CEMIP: variants seen among roughly 807,000 people sequenced by gnomAD.
CEMIP encodes the protein cell migration-inducing and hyaluronan-binding protein.
In CEMIP, 105 loss-of-function variants were observed where a neutral mutation model predicts 156.9. The observed-to-expected ratio is 0.67, with a 90% CI of 0.57 to 0.79. CEMIP has a LOEUF of 0.79. CEMIP is among the 30% of genes least tolerant of loss of function. The pLI, the probability that CEMIP is intolerant of heterozygous loss-of-function variation, is 0.00. For missense variants in CEMIP, 1,457 were observed against 1,769.4 expected (o/e 0.82, Z 3.17); for synonymous variants, 676 against 668.4 (o/e 1.01, Z -0.17).
chr15:80,808,853 A>G (rs1371317564), intron 1 of CEMIP, among the ~76,000 whole-genome samples: 1 of 152,216 alleles, frequency 6.6e-6, no homozygotes, highest in African/African-American at 2.4e-5. Flanking sequence ...GAAACAGAAA[A>G]AATTAGAAAG....
intron 1 of CEMIP, among the ~76,000 whole-genome samples, chr15:80,847,027 T>C (rs1897578124): frequency 6.6e-6 from 1 of 152,216 alleles, no homozygotes; most frequent in Admixed American, 6.5e-5. Context: ...GTGGTTCTTA[T>C]GTAGCTTTTG....
At chr15:80,809,969 T>C (rs1403839176) in intron 1 of CEMIP, among the ~76,000 whole-genome samples, 1 of 152,228 alleles carries the variant, frequency 6.6e-6, no homozygotes, top group Non-Finnish European at 1.5e-5. Context: ...ACCTGAATAA[T>C]ATCCGTATCT....
intron 28 of CEMIP, among the ~76,000 whole-genome samples, chr15:80,945,565 C>T (rs55788547): frequency 0.29 from 43,409 of 152,132 alleles, 8,487 homozygotes; most frequent in African/African-American, 0.56. Context: ...CAGCCTTCCT[C>T]AAGGGCCTGA....
intron 1 of CEMIP, among the ~76,000 whole-genome samples, chr15:80,833,438 C>T (rs890189709): frequency 2.0e-5 from 3 of 152,116 alleles, no homozygotes; most frequent in Non-Finnish European, 2.9e-5. Flanking sequence ...ATTTTTGAAA[C>T]GTAAGAACTC....
intron 14 of CEMIP, 61 bp downstream of exon 14, chr15:80,909,367 G>T: frequency 6.5e-7 from 1 of 1,544,076 alleles, no homozygotes; most frequent in Non-Finnish European, 8.9e-7. Context: ...AGCACTGGAG[G>T]GGTGTTTGGA....
intron 1 of CEMIP, among the ~76,000 whole-genome samples, chr15:80,846,662 G>C (rs1048714774): frequency 1.2e-4 from 19 of 152,260 alleles, no homozygotes; most frequent in Non-Finnish European, 2.9e-5. Context: ...ATGTGGAAGG[G>C]AGAAAGGCCT....
chr15:80,906,826 G>A lies in CEMIP; in HGVS notation c.1575G>A (p.Gly525=). 1.9e-6 allele frequency: 3 copies of A among 1,613,298 alleles called. No individual in the cohort carries two copies. The highest frequency in any genetic ancestry group is 2.5e-6 in the Non-Finnish European group (3 of 1,179,636). The stretch of plus-strand genomic sequence containing the variant: ...ATTTCTTTGACTTCGATACCTTTGG[G>A]GGCCACATCAAGGTATGTGTCTCTC... The part of the protein sequence containing the change: ...ICNFFDFDTF[G]GHIKFALGFK... The change falls in exon 13 of 30, where the codon GGG becomes GGA. Residue 525 remains glycine (G), a synonymous_variant. Transcript: ENST00000394685. This position sits in a 1 kb window ranked among gnomAD's most constrained non-coding sequence, Gnocchi z 4.3.
At chr15:80,884,614 G>A (rs1411465265) in intron 7 of CEMIP, among the ~76,000 whole-genome samples, 1 of 152,154 alleles carries the variant, frequency 6.6e-6, no homozygotes, top group Non-Finnish European at 1.5e-5. Flanking sequence ...CATTCAGTCG[G>A]CCACTTACAA....
intron 1 of CEMIP, among the ~76,000 whole-genome samples, chr15:80,795,181 C>T (rs1896186602): frequency 6.6e-6 from 1 of 152,014 alleles, no homozygotes; most frequent in Non-Finnish European, 1.5e-5. Flanking sequence ...GGACTGTGAA[C>T]ATCATCCTGA....
intron 24 of CEMIP, 97 bp downstream of exon 24, chr15:80,936,982 C>G: frequency 8.7e-7 from 1 of 1,148,230 alleles, no homozygotes; most frequent in Non-Finnish European, 1.3e-6. Flanking sequence ...CACAGGCTAG[C>G]CCATGTGATC....
At chr15:80,789,548 G>T (rs1896027450) in intron 1 of CEMIP, among the ~76,000 whole-genome samples, 1 of 152,090 alleles carries the variant, frequency 6.6e-6, no homozygotes, top group South Asian at 2.1e-4. Flanking sequence ...CATATGCAGA[G>T]ATTTCTTCTT....
At chr15:80,795,594 C>A (rs1396552136) in intron 1 of CEMIP, among the ~76,000 whole-genome samples, 1 of 152,074 alleles carries the variant, frequency 6.6e-6, no homozygotes, top group Non-Finnish European at 1.5e-5. Flanking sequence ...ACACACTGGG[C>A]ACGGCCAAGC....
intron 1 of CEMIP, among the ~76,000 whole-genome samples, chr15:80,824,110 T>G (rs1466523687): frequency 6.6e-6 from 1 of 152,232 alleles, no homozygotes; most frequent in East Asian, 1.9e-4. Flanking sequence ...GGCTTTGTCT[T>G]GCTTATCAGC....
intron 16 of CEMIP, 86 bp from the exon 17 acceptor site, chr15:80,921,923 C>T (rs1900487569): frequency 6.3e-7 from 1 of 1,582,310 alleles, no homozygotes; most frequent in African/African-American, 1.3e-5. Context: ...CTAGACCCAT[C>T]TCCGGCGTGG....
intron 1 of CEMIP, among the ~76,000 whole-genome samples, chr15:80,824,313 C>G (rs888382742): frequency 1.3e-5 from 2 of 152,194 alleles, no homozygotes; most frequent in African/African-American, 4.8e-5. Context: ...CTGGTGCTTA[C>G]CCACTAGTGC....
Position 80,924,698 on chromosome 15 carries a change from C to G in CEMIP, c.2280C>G (p.Ile760Met), listed in dbSNP as rs759853282. ...ACAAGCGGCCGTTCCTCTCAATCAT[C>G]TCTGCCAGGTAATCAGCCATTGGGA... ...AKDKRPFLSI[I>M]SARYSPHQDA... Residue 760 changes from isoleucine (I) to methionine (M), a missense_variant, in exon 18 of 30, where the codon ATC (isoleucine) becomes ATG (methionine). Coordinates refer to ENST00000394685, the MANE Select transcript of CEMIP (RefSeq NM_001293298.2). 1.9e-6 allele frequency: 3 copies of G among 1,614,070 alleles called. No individual in the cohort carries two copies. In the African/African-American group the frequency reaches 4.0e-5, roughly 22 times the overall value.
At chr15:80,887,564 T>C in intron 7 of CEMIP, 130 bp from the exon 8 acceptor site, 1 of 718,954 alleles carries the variant, frequency 1.4e-6, no homozygotes, top group South Asian at 1.5e-5. Flanking sequence ...GTGAATGAAT[T>C]TCCCCCAAAC....
chr15:80,912,660 T>C (rs1381297065), intron 14 of CEMIP, among the ~76,000 whole-genome samples: 1 of 152,042 alleles, frequency 6.6e-6, no homozygotes, highest in Admixed American at 6.6e-5. Context: ...TTCCCTAAGA[T>C]CTCCAAGAGC....
intron 1 of CEMIP, among the ~76,000 whole-genome samples, chr15:80,788,495 A>C (rs900586074): frequency 1.3e-5 from 2 of 151,808 alleles, no homozygotes; most frequent in Non-Finnish European, 2.9e-5. Context: ...AAGAAAAAAG[A>C]AAAAAGAAAA....
Sources: allele counts gnomAD v4.1 joint callset (sites outside exome capture counted in the v4.1 genomes callset), GRCh38; gene constraint gnomAD v4.1.1; non-coding constraint Gnocchi (gnomAD v3.1); transcripts MANE v1.5; gene names NCBI Gene and HGNC (gene_info 2026-07-23, HGNC 2026-07-21).